CDH13: variants seen among roughly 807,000 people sequenced by gnomAD.
CDH13 encodes the protein cadherin-13.
CDH13 carries 24 observed loss-of-function variants against 63.8 expected under a neutral mutation model. That is an observed-to-expected ratio of 0.38 (90% CI 0.27 to 0.53). CDH13 has a LOEUF of 0.53. Ranked by LOEUF, CDH13 falls within the 20% of genes least tolerant of loss-of-function variation. The pLI, the probability that CDH13 is intolerant of heterozygous loss-of-function variation, is 0.85. For synonymous variants in CDH13, 503 were observed against 355.3 expected (o/e 1.42, Z -4.67); for missense variants, 1,049 against 903.1 (o/e 1.16, Z -2.07).
intron 1 of CDH13, among the ~76,000 whole-genome samples, chr16:82,787,773 T>C (rs1422595166): frequency 6.8e-6 from 1 of 147,558 alleles, no homozygotes; most frequent in East Asian, 2.0e-4. Context: ...TTTTGTTTGT[T>C]TTTTCTCTAG....
chr16:83,218,568 G>T (rs1354624145), intron 5 of CDH13, among the ~76,000 whole-genome samples: 1 of 152,180 alleles, frequency 6.6e-6, no homozygotes, highest in African/African-American at 2.4e-5. Context: ...AGCTATTGGG[G>T]TCCAGCTCCT....
intron 1 of CDH13, among the ~76,000 whole-genome samples, chr16:82,642,571 C>T (rs144555786): frequency 2.0e-5 from 3 of 152,218 alleles, no homozygotes; most frequent in Admixed American, 6.5e-5. Flanking sequence ...TCATTTAAGC[C>T]ACATTCCTAA....
At chr16:82,867,960 T>C (rs1437733572) in intron 2 of CDH13, among the ~76,000 whole-genome samples, 2 of 152,232 alleles carry the variant, frequency 1.3e-5, no homozygotes, top group Non-Finnish European at 2.9e-5. Context: ...TTTCTTGTGA[T>C]TTTTAAAAAT....
At chr16:82,913,682 G>A (rs914589691) in intron 2 of CDH13, among the ~76,000 whole-genome samples, 4 of 152,112 alleles carry the variant, frequency 2.6e-5, no homozygotes, top group Admixed American at 2.0e-4. Flanking sequence ...GGAGTGCATG[G>A]GGAGGAGGGA....
At chr16:83,345,577 ATAG>A (rs2090822472) in intron 6 of CDH13, among the ~76,000 whole-genome samples, 1 of 152,232 alleles carries the variant, frequency 6.6e-6, no homozygotes, top group African/African-American at 2.4e-5. Context: ...CAAGGTTACT[ATAG>A]AGCTCCCGCT....
chr16:83,622,255 G>A (rs868187783), intron 8 of CDH13, among the ~76,000 whole-genome samples: 7 of 152,118 alleles, frequency 4.6e-5, no homozygotes, highest in African/African-American at 9.7e-5. Flanking sequence ...AGACTTCAGC[G>A]TGGTGGGGCA....
At chr16:83,285,092 G>C (rs373481832) in intron 5 of CDH13, among the ~76,000 whole-genome samples, 2 of 152,080 alleles carry the variant, frequency 1.3e-5, no homozygotes, top group Non-Finnish European at 2.9e-5. Flanking sequence ...TTTTGGAACG[G>C]CTTTTTAACC....
chr16:83,065,725 AAAAC>A (rs1196048013), intron 3 of CDH13, among the ~76,000 whole-genome samples: 4 of 91,288 alleles, frequency 4.4e-5, no homozygotes, highest in Admixed American at 2.2e-4. Flanking sequence ...AAAAAACAAA[AAAAC>A]AAAAAAAAAA....
chr16:82,988,819 C>T (rs368341154), intron 2 of CDH13, among the ~76,000 whole-genome samples: 1 of 151,154 alleles, frequency 6.6e-6, no homozygotes, highest in African/African-American at 2.4e-5. Context: ...GGACTGGATG[C>T]TCACTCAGTA....
intron 2 of CDH13, among the ~76,000 whole-genome samples, chr16:82,878,402 C>G (rs2040578652): frequency 6.6e-6 from 1 of 151,374 alleles, no homozygotes; most frequent in African/African-American, 2.4e-5. Flanking sequence ...CAGCAAATGC[C>G]TCTAGCAAAA....
intron 1 of CDH13, among the ~76,000 whole-genome samples, chr16:82,655,326 G>A (rs1355462143): frequency 6.6e-6 from 1 of 152,238 alleles, no homozygotes; most frequent in Non-Finnish European, 1.5e-5. Flanking sequence ...GGTGCTCCTT[G>A]TGATAGGGGT....
In CDH13 at chr16:83,587,811, G is replaced by A. The variant is rs549193756; in HGVS notation, c.961-14643G>A. ...AACCCAAGGAAAGCTATTTGCTTTC[G>A]GAGAGTGCTTGGCGAATGACAGGAA... On this transcript the variant is annotated intron_variant, in intron 7 of 13. Transcript: ENST00000567109. Among the ~76,000 whole-genome samples, 110 of 152,232 alleles carry A rather than the reference G, an allele frequency of 7.2e-4. 1 individual carries two copies. Among genetic ancestry groups the A allele is most frequent in the South Asian group, 6.2e-3 (30 of 4,828 alleles).
intron 5 of CDH13, among the ~76,000 whole-genome samples, chr16:83,295,686 G>A (rs570868913): frequency 3.3e-5 from 5 of 152,300 alleles, no homozygotes; most frequent in African/African-American, 1.2e-4. Flanking sequence ...TGTTGGCAAG[G>A]ATGTGGAGAA....
intron 1 of CDH13, among the ~76,000 whole-genome samples, chr16:82,704,547 G>A (rs1204585661): frequency 1.3e-5 from 2 of 152,170 alleles, no homozygotes; most frequent in Non-Finnish European, 2.9e-5. Flanking sequence ...AATAACCACA[G>A]TGCCTTGCTA....
chr16:83,488,052 T>C (rs184174211), intron 7 of CDH13, among the ~76,000 whole-genome samples: 1 of 152,378 alleles, frequency 6.6e-6, no homozygotes, highest in African/African-American at 2.4e-5. Context: ...GGTCTAGACC[T>C]GAATTGTCCA....
At chr16:83,548,007 T>G (rs889894714) in intron 7 of CDH13, among the ~76,000 whole-genome samples, 3 of 152,126 alleles carry the variant, frequency 2.0e-5, no homozygotes, top group African/African-American at 7.2e-5. Context: ...GGAAAGCTTT[T>G]GAGAGATTTC....
chr16:83,517,152 C>G (rs1186812941), intron 7 of CDH13, among the ~76,000 whole-genome samples: 1 of 152,146 alleles, frequency 6.6e-6, no homozygotes, highest in Non-Finnish European at 1.5e-5. Flanking sequence ...AAAGGAAGCT[C>G]AACAGGGTGA....
chr16:83,343,088 T>C (rs1013058893), intron 5 of CDH13, among the ~76,000 whole-genome samples: 31 of 152,146 alleles, frequency 2.0e-4, no homozygotes, highest in Non-Finnish European at 4.4e-4. Context: ...TTTTTTCTTA[T>C]TACATGCATT....
At chr16:83,161,611 T>C (rs1176335736) in intron 4 of CDH13, among the ~76,000 whole-genome samples, 1 of 152,144 alleles carries the variant, frequency 6.6e-6, no homozygotes, top group Non-Finnish European at 1.5e-5. Flanking sequence ...CCAGCATTTG[T>C]CTTGACAAAC....
Sources: gnomAD v4.1 joint callset for allele counts (sites outside exome capture counted in the v4.1 genomes callset) on GRCh38, gnomAD v4.1.1 for gene constraint, MANE v1.5 for transcripts, NCBI Gene and HGNC (gene_info 2026-07-23, HGNC 2026-07-21) for gene names.